Variants in PCED1B observed in about 807,000 individuals in gnomAD.
PCED1B encodes the protein PC-esterase domain containing 1B.
For missense variants in PCED1B, 573 were observed against 573.9 expected (o/e 1.00, Z 0.02); for synonymous variants, 251 against 246.1 (o/e 1.02, Z -0.19).
intron 1 of PCED1B, among the ~76,000 whole-genome samples, chr12:47,094,982 C>T (rs1364208748): frequency 2.0e-5 from 3 of 150,600 alleles, no homozygotes; most frequent in African/African-American, 7.3e-5. Flanking sequence ...TCATGGCTCA[C>T]TGCGGCCTCA....
intron 2 of PCED1B, chr12:47,209,902 CCA>C (rs1943025391): frequency 6.6e-6 from 1 of 152,252 alleles, no homozygotes; most frequent in Non-Finnish European, 1.5e-5. Context: ...AGCCACAGCA[CCA>C]CCACAGCAGG....
chr12:47,118,799 G>A (rs1194808801), intron 2 of PCED1B, among the ~76,000 whole-genome samples: 5 of 152,078 alleles, frequency 3.3e-5, no homozygotes, highest in South Asian at 2.1e-4. Flanking sequence ...CCATTTTCAC[G>A]ATATTGATTC....
chr12:47,230,301 G>C lies in PCED1B; in HGVS notation c.-57-4706G>C, dbSNP rs534386980. ...GGGTTTCACAATGTTTGCCAGGATG[G>C]TCTCCATCTCGTGACCTCGTGATCC... On this transcript the variant is annotated intron_variant, in intron 3 of 3. Transcript: ENST00000546455. Among the ~76,000 whole-genome samples the C allele has an allele frequency of 4.0e-5, 6 of 151,724 alleles. No individual in the cohort carries two copies. In the South Asian group the frequency reaches 1.2e-3, roughly 32 times the overall value.
intron 2 of PCED1B, among the ~76,000 whole-genome samples, chr12:47,185,481 G>C (rs911475316): frequency 6.6e-6 from 1 of 152,174 alleles, no homozygotes; most frequent in Non-Finnish European, 1.5e-5. Context: ...TCTCCAGCTA[G>C]GGAAAATTAG....
intron 2 of PCED1B, among the ~76,000 whole-genome samples, chr12:47,164,929 C>T (rs1941497300): frequency 6.6e-6 from 1 of 152,204 alleles, no homozygotes; most frequent in Admixed American, 6.5e-5. Flanking sequence ...TGAGGAAACC[C>T]TGGGCAGTGT....
intron 2 of PCED1B, among the ~76,000 whole-genome samples, chr12:47,158,744 C>A (rs1941275919): frequency 6.6e-6 from 1 of 152,116 alleles, no homozygotes; most frequent in African/African-American, 2.4e-5. Flanking sequence ...GTGTCCATCA[C>A]CTCAAGTATT....
At chr12:47,144,852 C>G (rs1237857820) in intron 2 of PCED1B, among the ~76,000 whole-genome samples, 1 of 152,120 alleles carries the variant, frequency 6.6e-6, no homozygotes, top group Non-Finnish European at 1.5e-5. Context: ...CTTCCTATTC[C>G]CTGAGACATA....
chr12:47,188,845 C>T (rs1942357901), intron 2 of PCED1B, among the ~76,000 whole-genome samples: 1 of 152,168 alleles, frequency 6.6e-6, no homozygotes, highest in Non-Finnish European at 1.5e-5. Context: ...TTGCTGGTAA[C>T]CTGGACTTTT....
chr12:47,128,871 A>C (rs565330383), intron 2 of PCED1B, among the ~76,000 whole-genome samples: 7 of 152,348 alleles, frequency 4.6e-5, no homozygotes, highest in African/African-American at 1.7e-4. Context: ...CACAGAAAAC[A>C]ACAGGGAATG....
At chr12:47,230,154 G>A (rs565236023) in intron 3 of PCED1B, among the ~76,000 whole-genome samples, 21 of 140,192 alleles carry the variant, frequency 1.5e-4, no homozygotes, top group African/African-American at 5.4e-4. Context: ...GCAGGATCTC[G>A]GCTCACTACA....
chr12:47,166,410 A>C (rs2137529818), intron 2 of PCED1B, among the ~76,000 whole-genome samples: 1 of 152,306 alleles, frequency 6.6e-6, no homozygotes, highest in Admixed American at 6.5e-5. Flanking sequence ...ATCTTTAACT[A>C]GCTTTAACTG....
At chr12:47,228,123 T>C (rs1437973517) in intron 3 of PCED1B, among the ~76,000 whole-genome samples, 3 of 151,534 alleles carry the variant, frequency 2.0e-5, no homozygotes, top group Admixed American at 6.6e-5. Flanking sequence ...AACCTCCTCC[T>C]TTCTGGACTC....
At chr12:47,148,145 C>A (rs926029625) in intron 2 of PCED1B, among the ~76,000 whole-genome samples, 1 of 152,136 alleles carries the variant, frequency 6.6e-6, no homozygotes, top group Non-Finnish European at 1.5e-5. Context: ...CAGACGGGAC[C>A]AAACTCACTT....
chr12:47,125,232 A>G (rs774070132), intron 2 of PCED1B, among the ~76,000 whole-genome samples: 4 of 151,878 alleles, frequency 2.6e-5, no homozygotes, highest in South Asian at 4.2e-4. Flanking sequence ...TTGTGTATTG[A>G]TTGCAAATTG....
intron 2 of PCED1B, among the ~76,000 whole-genome samples, chr12:47,203,877 G>A (rs1030036831): frequency 1.4e-4 from 21 of 152,128 alleles, no homozygotes; most frequent in African/African-American, 5.1e-4. Flanking sequence ...AGGTCTTTGA[G>A]GAATTGCCAC....
chr12:47,235,130 G>A lies in PCED1B; in HGVS notation c.67G>A (p.Asp23Asn), dbSNP rs543197764. The A allele has an allele frequency of 6.5e-7, 1 of 1,543,374 alleles. No individual in the cohort carries two copies. The highest frequency in any genetic ancestry group is 8.7e-7 in the Non-Finnish European group (1 of 1,145,876). Residue 23 changes from aspartate (D) to asparagine (N), a missense_variant, in exon 4 of 4, where the codon GAC becomes AAC. Coordinates refer to ENST00000546455, the MANE Select transcript of PCED1B (RefSeq NM_138371.3). ...LHNKFVVILGDSVHRAVYKDL... is the reference protein window; with the variant it reads ...LHNKFVVILGNSVHRAVYKDL... ...CAATAAGTTCGTGGTCATCCTGGGG[G>A]ACTCTGTGCATAGGGCAGTATACAA... is the stretch of plus-strand genomic sequence containing the variant.
chr12:47,142,426 G>T (rs1007022091), intron 2 of PCED1B, among the ~76,000 whole-genome samples: 1 of 151,960 alleles, frequency 6.6e-6, no homozygotes, highest in Non-Finnish European at 1.5e-5. Flanking sequence ...GAAGAATCAG[G>T]CAAACATGAC....
chr12:47,137,965 G>C (rs928504600), intron 2 of PCED1B, among the ~76,000 whole-genome samples: 8 of 152,098 alleles, frequency 5.3e-5, no homozygotes. Flanking sequence ...AGTGCAAATG[G>C]TCAATATTTT....
chr12:47,224,426 G>C (rs1203008923), intron 3 of PCED1B, among the ~76,000 whole-genome samples: 4 of 152,034 alleles, frequency 2.6e-5, no homozygotes, highest in African/African-American at 9.7e-5. Flanking sequence ...TTTTAAACTT[G>C]GTAATTTTCA....
Sources: allele counts gnomAD v4.1 joint callset (sites outside exome capture counted in the v4.1 genomes callset), GRCh38; gene constraint gnomAD v4.1.1; transcripts MANE v1.5; gene names NCBI Gene and HGNC (gene_info 2026-07-23, HGNC 2026-07-21).